CWF19L1: variants seen among roughly 807,000 people sequenced by gnomAD.
The protein encoded by CWF19L1 is CWF19 like cell cycle control factor 1.
CWF19L1 carries 60 observed loss-of-function variants against 69.7 expected under a neutral mutation model. The observed-to-expected ratio is 0.86, with a 90% CI of 0.70 to 1.07. The LOEUF (loss-of-function observed/expected upper bound fraction) is 1.07. Among genes scored for constraint, CWF19L1 ranks in the 50% least tolerant of loss-of-function variants. The pLI is 0.00. For missense variants in CWF19L1, 591 were observed against 638.9 expected (o/e 0.92, Z 0.81); for synonymous variants, 209 against 222.2 (o/e 0.94, Z 0.53).
intron 11 of CWF19L1, among the ~76,000 whole-genome samples, chr10:100,237,780 G>A (rs912160460): frequency 1.3e-5 from 2 of 151,890 alleles, no homozygotes; most frequent in Non-Finnish European, 2.9e-5. Flanking sequence ...CCGAGTAGCT[G>A]GGATTACAGG....
chr10:100,261,382 A>G (rs1301302346), intron 2 of CWF19L1, among the ~76,000 whole-genome samples: 1 of 152,250 alleles, frequency 6.6e-6, no homozygotes, highest in Non-Finnish European at 1.5e-5. Context: ...CTTCCCTGGA[A>G]TATACAGTCA....
chr10:100,237,187 G>A (rs1188803600), intron 11 of CWF19L1: 1 of 728,772 alleles, frequency 1.4e-6, no homozygotes, highest in South Asian at 1.4e-5. Context: ...ATGCAGGAAA[G>A]GCTTAAGAGA....
chr10:100,256,207 AC>A (rs1200355416), intron 5 of CWF19L1, 54 bp downstream of exon 5: 1 of 1,384,408 alleles, frequency 7.2e-7, no homozygotes, highest in Non-Finnish European at 1.0e-6. Context: ...AAAAGTCCCA[AC>A]TCAAGCCAGT....
chr10:100,248,946 C>A, intron 7 of CWF19L1: 5 of 771,330 alleles, frequency 6.5e-6, no homozygotes, highest in Non-Finnish European at 1.2e-5. Flanking sequence ...CACTGGCCAC[C>A]GCAGGGAACA....
At chr10:100,265,855 A>G (rs1847562615) in intron 1 of CWF19L1, among the ~76,000 whole-genome samples, 1 of 152,184 alleles carries the variant, frequency 6.6e-6, no homozygotes. Flanking sequence ...ATATTTAAAT[A>G]CAAAAATGCT....
intron 10 of CWF19L1, among the ~76,000 whole-genome samples, chr10:100,241,661 G>A (rs547613318): frequency 4.6e-5 from 7 of 152,304 alleles, no homozygotes; most frequent in East Asian, 1.9e-4. Context: ...CTGGGAAGTC[G>A]AAGTGCATAG....
chr10:100,241,086 C>T (rs1846625326), intron 10 of CWF19L1, among the ~76,000 whole-genome samples: 1 of 139,882 alleles, frequency 7.1e-6, no homozygotes, highest in East Asian at 2.2e-4. Context: ...TCTTGGCCTG[C>T]AACCTCCACC....
At position 100,233,147 on chromosome 10, in the gene CWF19L1, C is replaced by CA. The variant is rs1270088683; in HGVS notation, c.*79dup. The stretch of plus-strand genomic sequence containing the variant: ...TGGGTGACAGAGCGAGACTTTGTCT[C>CA]AAAAAAAATTCTTTTAATTAAAAAA... On this transcript the variant is annotated 3_prime_UTR_variant, in exon 14 of 14. Transcript: ENST00000354105. 2.7e-5 allele frequency: 37 copies of CA among 1,393,936 alleles called. No homozygotes were observed. Among genetic ancestry groups the CA allele is most frequent in the East Asian group, 9.7e-5 (4 of 41,228 alleles). 86.3% of individuals were successfully genotyped at this position (1,393,936 alleles called of 1,614,324 possible).
intron 7 of CWF19L1, chr10:100,248,871 G>A (rs995233449): frequency 2.9e-6 from 3 of 1,036,288 alleles, no homozygotes; most frequent in Non-Finnish European, 4.5e-6. Context: ...AGGCTGAGCA[G>A]CAGAAAAAGG....
chr10:100,251,662 C>T (rs1291589718), intron 6 of CWF19L1, among the ~76,000 whole-genome samples: 7 of 152,084 alleles, frequency 4.6e-5, no homozygotes, highest in Admixed American at 4.6e-4. Flanking sequence ...CAGGCGCCCG[C>T]CACCATGCCC....
At chr10:100,259,622 C>T (rs1847327814) in intron 4 of CWF19L1, among the ~76,000 whole-genome samples, 1 of 152,032 alleles carries the variant, frequency 6.6e-6, no homozygotes, top group Non-Finnish European at 1.5e-5. Context: ...GGAGTTTATC[C>T]CTCCAGTTGG....
At position 100,253,546 on chromosome 10, in the gene CWF19L1, A is replaced by G; in HGVS notation, c.505-7T>C. 6.4e-7 allele frequency: 1 copy of G among 1,567,294 alleles called. No homozygotes were observed. Among genetic ancestry groups the G allele is most frequent in the Non-Finnish European group, 8.8e-7 (1 of 1,138,038 alleles). ...TTTTGGTATCCACTTCTCCCTAGTA[A>G]ACAAAAACTTAGTCATCCATACAGA... On this transcript the variant is annotated splice_region_variant and splice_polypyrimidine_tract_variant and intron_variant, in intron 5 of 13. Coordinates refer to ENST00000354105, the MANE Select transcript of CWF19L1 (RefSeq NM_018294.6).
In CWF19L1 at chr10:100,256,542, G is replaced by C; in HGVS notation, c.290-66C>G. 2 of 1,258,972 alleles carry C rather than the reference G, an allele frequency of 1.6e-6. 1 individual carries two copies. The highest frequency in any genetic ancestry group is 2.4e-5 in the South Asian group (2 of 83,180). The allele number at this position is 1,258,972 out of a possible 1,614,324, so 78.0% of individuals were successfully genotyped here. A position where few individuals can be genotyped will look rare whatever the true frequency, so the allele number is the denominator to read the frequency against. ...CAGAATGAAAAGCCATCAATAGGGGGATGAATCTCCCATGACTCTCCTATG... is the reference window on the plus strand; with the variant it reads ...CAGAATGAAAAGCCATCAATAGGGGCATGAATCTCCCATGACTCTCCTATG... On this transcript the variant is annotated intron_variant, in intron 4 of 13. Transcript: ENST00000354105.
chr10:100,261,930 T>C (rs763596184), intron 2 of CWF19L1, 49 bp downstream of exon 2: 27 of 1,507,490 alleles, frequency 1.8e-5, no homozygotes, highest in Non-Finnish European at 3.6e-6. Context: ...TTTATTTTTA[T>C]GTGTGACTAC....
At chr10:100,248,617 T>C in intron 7 of CWF19L1, 1 of 748,574 alleles carries the variant, frequency 1.3e-6, no homozygotes, top group Non-Finnish European at 2.4e-6. Context: ...TGTGCTGCTG[T>C]CCATCACTAC....
intron 1 of CWF19L1, among the ~76,000 whole-genome samples, chr10:100,265,861 A>T (rs866609927): frequency 1.3e-5 from 2 of 152,144 alleles, no homozygotes; most frequent in African/African-American, 4.8e-5. Context: ...AAATACAAAA[A>T]TGCTTACCAT....
chr10:100,252,434 C>CA (rs201139595), intron 6 of CWF19L1, among the ~76,000 whole-genome samples: 7,401 of 147,950 alleles, frequency 0.05, 603 homozygotes, highest in African/African-American at 0.17. Context: ...GACTCTGTCT[C>CA]AAAAAAAAGA....
chr10:100,250,757 GC>G (rs1846999093), intron 6 of CWF19L1, among the ~76,000 whole-genome samples: 2 of 150,580 alleles, frequency 1.3e-5, no homozygotes, highest in South Asian at 4.2e-4. Context: ...AACACCCTGG[GC>G]AACACAGTGA....
intron 12 of CWF19L1, 31 bp downstream of exon 12, chr10:100,236,819 C>T: frequency 6.4e-7 from 1 of 1,554,292 alleles, no homozygotes. Context: ...GATATTTACT[C>T]TTCCCTGAAT....
Sources: gnomAD v4.1 joint callset for allele counts (sites outside exome capture counted in the v4.1 genomes callset) on GRCh38, gnomAD v4.1.1 for gene constraint, MANE v1.5 for transcripts, NCBI Gene and HGNC (gene_info 2026-07-23, HGNC 2026-07-21) for gene names.